Variants in P2RY1 observed in about 807,000 individuals in gnomAD.
P2RY1 encodes P2Y purinoceptor 1.
In P2RY1, 14 loss-of-function variants were observed where a neutral mutation model predicts 22.8. That is an observed-to-expected ratio of 0.61 (90% CI 0.41 to 0.96). P2RY1 has a LOEUF of 0.96. P2RY1 is among the 40% of genes least tolerant of loss of function. P2RY1 has a pLI of 0.00. For missense variants in P2RY1, 395 were observed against 470.3 expected, an observed-to-expected ratio of 0.84 and a Z score of 1.48; for synonymous variants, 200 against 195.1, an observed-to-expected ratio of 1.03 and a Z score of -0.21.
Position 152,836,380 on chromosome 3 carries a change from A to G in P2RY1, c.598A>G (p.Ile200Val). ...TACCGGGGTCCGCAAAAACAAAACC[A>G]TCACCTGTTACGACACCACCTCAGA... is the stretch of plus-strand genomic sequence containing the variant. ...SGTGVRKNKT[I>V]TCYDTTSDEY... is the part of the protein sequence containing the mutation. Residue 200 changes from isoleucine (I) to valine (V), a missense_variant, in exon 1 of 1, where the codon ATC becomes GTC. Coordinates refer to ENST00000305097, the MANE Select transcript of P2RY1 (RefSeq NM_002563.5). The surrounding 1 kb of genome is among the most constrained non-coding windows in gnomAD (Gnocchi z 5.6). 4 of 1,614,038 alleles carry G rather than the reference A, an allele frequency of 2.5e-6. No individual in the cohort carries two copies. Among genetic ancestry groups the G allele is most frequent in the Non-Finnish European group, 3.4e-6 (4 of 1,180,010 alleles).
chr3:152,836,590 G>C lies in P2RY1; in HGVS notation c.808G>C (p.Ala270Pro). ...GGTAATCATTGTACTGACTGTTTTT[G>C]CTGTGTCTTACATCCCTTTCCATGT... Reference protein sequence around the residue: ...YLVIIVLTVFAVSYIPFHVMK... With the variant: ...YLVIIVLTVFPVSYIPFHVMK... The change falls in exon 1 of 1, where the codon GCT becomes CCT. Residue 270 changes from alanine to proline, a missense_variant. Transcript: ENST00000305097. This position sits in a 1 kb window ranked among gnomAD's most constrained non-coding sequence, Gnocchi z 5.6. 1 of 1,614,148 alleles carries C rather than the reference G, an allele frequency of 6.2e-7. No homozygotes were observed. Among genetic ancestry groups the C allele is most frequent in the Non-Finnish European group, 8.5e-7 (1 of 1,180,024 alleles).
Position 152,835,844 on chromosome 3 carries a change from C to T in P2RY1, c.62C>T (p.Pro21Leu), listed in dbSNP as rs746535957. The T allele has an allele frequency of 3.7e-6, 6 of 1,612,838 alleles. 1 individual carries two copies. Among genetic ancestry groups the T allele is most frequent in the South Asian group, 2.2e-5 (2 of 91,042 alleles). Residue 21 changes from proline to leucine, a missense_variant, in exon 1 of 1, where the codon CCG (proline) becomes CTG (leucine). Pro to Leu is a moderately conservative substitution (Grantham distance 98). This residue lies in a region of P2RY1 where 98 missense variants were observed against 87.7 expected (regional missense o/e 1.12). Coordinates refer to ENST00000305097, the MANE Select transcript of P2RY1 (RefSeq NM_002563.5). Reference protein sequence around the residue: ...NGTDAAFLAGPGSSWGNSTVA... With the variant: ...NGTDAAFLAGLGSSWGNSTVA... ...ACGGACGCTGCCTTCCTGGCCGGTC[C>T]GGGTTCGTCCTGGGGGAACAGCACG...
In P2RY1 at chr3:152,836,865, T is replaced by C; in HGVS notation, c.1083T>C (p.Ile361=). 1 of 1,612,446 alleles carries C rather than the reference T, an allele frequency of 6.2e-7. No homozygotes were observed. The highest frequency in any genetic ancestry group is 8.5e-7 in the Non-Finnish European group (1 of 1,179,478). Residue 361 remains isoleucine (I), a synonymous_variant, in exon 1 of 1, where the codon ATT becomes ATC. Transcript: ENST00000305097. This position sits in a 1 kb window ranked among gnomAD's most constrained non-coding sequence, Gnocchi z 5.6. ...QSKSEDMTLN[I]LPEFKQNGDT... ...AGAGTGAAGACATGACCCTCAATAT[T>C]TTACCTGAGTTCAAGCAGAATGGAG...
rs933103875 is a variant in P2RY1 at position 152,836,100 on chromosome 3, C to G, written c.318C>G (p.Ala106=). Residue 106 remains alanine (A), a synonymous_variant, in exon 1 of 1, where the codon GCC becomes GCG. Coordinates refer to ENST00000305097, the MANE Select transcript of P2RY1 (RefSeq NM_002563.5). This position sits in a 1 kb window ranked among gnomAD's most constrained non-coding sequence, Gnocchi z 5.6. ...TCTTGTACGTGCTGACTCTGCCAGC[C>G]CTGATCTTCTACTACTTCAATAAAA... ...ADFLYVLTLP[A]LIFYYFNKTD... 3 of 1,614,110 alleles carry G rather than the reference C, an allele frequency of 1.9e-6. No individual in the cohort carries two copies. Among genetic ancestry groups the G allele is most frequent in the Non-Finnish European group, 2.5e-6 (3 of 1,180,006 alleles).
Position 152,836,109 on chromosome 3 carries a change from C to G in P2RY1, c.327C>G (p.Phe109Leu). 6.2e-7 allele frequency: 1 copy of G among 1,614,146 alleles called. No individual in the cohort carries two copies. Among genetic ancestry groups the G allele is most frequent in the Non-Finnish European group, 8.5e-7 (1 of 1,180,014 alleles). ...LYVLTLPALI[F>L]YYFNKTDWIF... ...TGCTGACTCTGCCAGCCCTGATCTT[C>G]TACTACTTCAATAAAACAGACTGGA... is the stretch of plus-strand genomic sequence containing the variant. Residue 109 changes from phenylalanine to leucine, a missense_variant, in exon 1 of 1, where the codon TTC becomes TTG. Phe to Leu is a conservative substitution (Grantham distance 22). This residue lies in a region of P2RY1 where 291 missense variants were observed against 361.6 expected (regional missense o/e 0.80). Coordinates refer to ENST00000305097, the MANE Select transcript of P2RY1 (RefSeq NM_002563.5). The surrounding 1 kb of genome is among the most constrained non-coding windows in gnomAD (Gnocchi z 5.6).
At position 152,836,373 on chromosome 3, in the gene P2RY1, C is replaced by G. The variant is rs750699440; in HGVS notation, c.591C>G (p.Asn197Lys). Reference sequence around the variant, plus strand: ...ACTCAGGTACCGGGGTCCGCAAAAACAAAACCATCACCTGTTACGACACCA... The same window carrying G: ...ACTCAGGTACCGGGGTCCGCAAAAAGAAAACCATCACCTGTTACGACACCA... ...LFYSGTGVRK[N>K]KTITCYDTTS... The change falls in exon 1 of 1, where the codon AAC (asparagine) becomes AAG (lysine). Residue 197 changes from asparagine (N) to lysine (K), a missense_variant. This residue lies in a region of P2RY1 where 291 missense variants were observed against 361.6 expected (regional missense o/e 0.80). Transcript: ENST00000305097. The surrounding 1 kb of genome is among the most constrained non-coding windows in gnomAD (Gnocchi z 5.6). The G allele has an allele frequency of 1.2e-6, 2 of 1,614,124 alleles. No individual in the cohort carries two copies. The highest frequency in any genetic ancestry group is 3.3e-5 in the Admixed American group (2 of 60,022).
At position 152,837,130 on chromosome 3, in the gene P2RY1, A is replaced by T. The variant is rs1206185793; in HGVS notation, c.*226A>T. The T allele has an allele frequency of 4.0e-6, 2 of 502,470 alleles. No individual in the cohort carries two copies. The highest frequency in any genetic ancestry group is 3.9e-5 in the African/African-American group (2 of 51,330). 31.1% of individuals were successfully genotyped at this position (502,470 alleles called of 1,614,324 possible). A position where few individuals can be genotyped will look rare whatever the true frequency, so the allele number is the denominator to read the frequency against. On this transcript the variant is annotated 3_prime_UTR_variant, in exon 1 of 1. Transcript: ENST00000305097. ...TGACTAGAAGTATGTATAATAAAAC[A>T]ATACTACCTAGTTAAACATTTACTT... is the stretch of plus-strand genomic sequence containing the variant.
chr3:152,838,785 C>G lies in P2RY1; in HGVS notation c.*1881C>G, dbSNP rs1301782010. On this transcript the variant is annotated 3_prime_UTR_variant, in exon 1 of 1. Coordinates refer to ENST00000305097, the MANE Select transcript of P2RY1 (RefSeq NM_002563.5). ...ATGCATAGGATTATAGAAACCAAAT[C>G]AAGAAGAAACCTACTACACCTCCTT... The G allele has an allele frequency of 2.6e-5, 4 of 152,124 alleles. No homozygotes were observed. Among genetic ancestry groups the G allele is most frequent in the Non-Finnish European group, 5.9e-5 (4 of 68,016 alleles). The allele number at this position is 152,124 out of a possible 1,614,324, so 9.4% of individuals were successfully genotyped here. A position where few individuals can be genotyped will look rare whatever the true frequency, so the allele number is the denominator to read the frequency against.
In P2RY1 at chr3:152,836,878, A is replaced by G; in HGVS notation, c.1096A>G (p.Lys366Glu). 6.2e-7 allele frequency: 1 copy of G among 1,611,374 alleles called. No individual in the cohort carries two copies. Among genetic ancestry groups the G allele is most frequent in the Non-Finnish European group, 8.5e-7 (1 of 1,178,782 alleles). The change falls in exon 1 of 1, where the codon AAG (lysine) becomes GAG (glutamate). Residue 366 changes from lysine to glutamate, a missense_variant. By Grantham distance (56) the Lys-to-Glu change is moderately conservative. Coordinates refer to ENST00000305097, the MANE Select transcript of P2RY1 (RefSeq NM_002563.5). The surrounding 1 kb of genome is among the most constrained non-coding windows in gnomAD (Gnocchi z 5.6). ...DMTLNILPEF[K>E]QNGDTSL ...GACCCTCAATATTTTACCTGAGTTC[A>G]AGCAGAATGGAGATACAAGCCTGTG... is the stretch of plus-strand genomic sequence containing the variant.
Position 152,835,831 on chromosome 3 carries a change from T to G in P2RY1, c.49T>G (p.Phe17Val). Residue 17 changes from phenylalanine to valine, a missense_variant, in exon 1 of 1, where the codon TTC becomes GTC. Phe to Val is a conservative substitution (Grantham distance 50). Transcript: ENST00000305097. ...TGTCCCCAACGGGACGGACGCTGCC[T>G]TCCTGGCCGGTCCGGGTTCGTCCTG... ...PAVPNGTDAA[F>V]LAGPGSSWGN... 1 of 1,612,310 alleles carries G rather than the reference T, an allele frequency of 6.2e-7. No homozygotes were observed. Among genetic ancestry groups the G allele is most frequent in the Non-Finnish European group, 8.5e-7 (1 of 1,179,962 alleles).
rs1376963549 is a variant in P2RY1 at position 152,835,888 on chromosome 3, G to A, written c.106G>A (p.Val36Ile). The change falls in exon 1 of 1, where the codon GTC (valine) becomes ATC (isoleucine). Residue 36 changes from valine (V) to isoleucine (I), a missense_variant. Transcript: ENST00000305097. Reference sequence around the variant, plus strand: ...CAGCACGGTCGCCTCCACTGCCGCCGTCTCCTCGTCGTTCAAATGCGCCTT... The same window carrying A: ...CAGCACGGTCGCCTCCACTGCCGCCATCTCCTCGTCGTTCAAATGCGCCTT... ...GNSTVASTAA[V>I]SSSFKCALTK... is the part of the protein sequence containing the mutation. The A allele has an allele frequency of 3.1e-6, 5 of 1,613,888 alleles. No individual in the cohort carries two copies. The highest frequency in any genetic ancestry group is 1.3e-5 in the African/African-American group (1 of 74,918).
Position 152,836,966 on chromosome 3 carries a change from G to A in P2RY1, c.*62G>A, listed in dbSNP as rs963076828. On this transcript the variant is annotated 3_prime_UTR_variant, in exon 1 of 1. Coordinates refer to ENST00000305097, the MANE Select transcript of P2RY1 (RefSeq NM_002563.5). This position sits in a 1 kb window ranked among gnomAD's most constrained non-coding sequence, Gnocchi z 5.6. ...ATGGTAGGATGCTTAACAGAATCAA[G>A]TACTTTTCCCCTCTTTAACTTTCTA... is the stretch of plus-strand genomic sequence containing the variant. 24 of 1,314,374 alleles carry A rather than the reference G, an allele frequency of 1.8e-5. 1 individual carries two copies. The African/African-American group carries it at 3.2e-4, about 18-fold the overall frequency. 81.4% of individuals were successfully genotyped at this position (1,314,374 alleles called of 1,614,324 possible).
rs1716273961 is a variant in P2RY1 at position 152,840,621 on chromosome 3, G to A, written c.*3717G>A. 6.6e-6 allele frequency: 1 copy of A among 152,150 alleles called. No homozygotes were observed. The highest frequency in any genetic ancestry group is 1.5e-5 in the Non-Finnish European group (1 of 68,020). 9.4% of individuals were successfully genotyped at this position (152,150 alleles called of 1,614,324 possible). ...TTATATAAACAACGTTACAATGTAA[G>A]GAAAATCTTTAAGGAGATGGGGAGA... On this transcript the variant is annotated 3_prime_UTR_variant, in exon 1 of 1. Coordinates refer to ENST00000305097, the MANE Select transcript of P2RY1 (RefSeq NM_002563.5).
chr3:152,836,260 C>T lies in P2RY1; in HGVS notation c.478C>T (p.Leu160=). ...YSGVVYPLKS[L]GRLKKKNAIC... is the part of the protein sequence containing the mutation. ...CGGTGTGGTGTACCCCCTCAAGTCC[C>T]TGGGCCGGCTCAAAAAGAAGAATGC... The change falls in exon 1 of 1, where the codon CTG becomes TTG. Residue 160 remains leucine (L), a synonymous_variant. Coordinates refer to ENST00000305097, the MANE Select transcript of P2RY1 (RefSeq NM_002563.5). The surrounding 1 kb of genome is among the most constrained non-coding windows in gnomAD (Gnocchi z 5.6). The T allele has an allele frequency of 6.2e-7, 1 of 1,614,122 alleles. No individual in the cohort carries two copies. The highest frequency in any genetic ancestry group is 8.5e-7 in the Non-Finnish European group (1 of 1,180,022).
In P2RY1 at chr3:152,835,520, C is replaced by G. The variant is rs970572586; in HGVS notation, c.-263C>G. 4.1e-6 allele frequency: 2 copies of G among 490,662 alleles called. No homozygotes were observed. The highest frequency in any genetic ancestry group is 7.0e-5 in the East Asian group (2 of 28,488). The allele number at this position is 490,662 out of a possible 1,614,324, so 30.4% of individuals were successfully genotyped here. A position where few individuals can be genotyped will look rare whatever the true frequency, so the allele number is the denominator to read the frequency against. On this transcript the variant is annotated 5_prime_UTR_variant, in exon 1 of 1. Coordinates refer to ENST00000305097, the MANE Select transcript of P2RY1 (RefSeq NM_002563.5). ...CCCTGCGCGCCCTGTTGTGTAAGCT[C>G]GGCGTTGCCAGCGGACGGAGAAGTT...
Position 152,835,352 on chromosome 3 carries a change from C to T in P2RY1, c.-431C>T. 5.7e-6 allele frequency: 1 copy of T among 174,486 alleles called. No individual in the cohort carries two copies. The highest frequency in any genetic ancestry group is 1.2e-5 in the Non-Finnish European group (1 of 84,196). The allele number at this position is 174,486 out of a possible 1,614,324, so 10.8% of individuals were successfully genotyped here. A position where few individuals can be genotyped will look rare whatever the true frequency, so the allele number is the denominator to read the frequency against. ...GCCCCCAATTAAGTTGATCTTTGAG[C>T]CAAGGAGGCTGGGGAGCAGCCTCCC... is the stretch of plus-strand genomic sequence containing the variant. On this transcript the variant is annotated 5_prime_UTR_variant, in exon 1 of 1. Coordinates refer to ENST00000305097, the MANE Select transcript of P2RY1 (RefSeq NM_002563.5).
Position 152,836,474 on chromosome 3 carries a change from T to TAACA in P2RY1, c.692_693insAACA (p.Leu232ThrfsTer59). ...GTGGCCATGTTCTGTGTCCCCTTGG[T>TAACA]GCTGATTCTGGGCTGTTACGGATTA... On this transcript the variant is annotated frameshift_variant, in exon 1 of 1. Transcript: ENST00000305097. LOFTEE classifies it high-confidence loss of function. This position sits in a 1 kb window ranked among gnomAD's most constrained non-coding sequence, Gnocchi z 5.6. 6.2e-7 allele frequency: 1 copy of TAACA among 1,614,208 alleles called. No homozygotes were observed. The highest frequency in any genetic ancestry group is 8.5e-7 in the Non-Finnish European group (1 of 1,180,038).
Position 152,837,055 on chromosome 3 carries a change from A to T in P2RY1, c.*151A>T, listed in dbSNP as rs559375082. 4.1e-5 allele frequency: 26 copies of T among 638,096 alleles called. No individual in the cohort carries two copies. The East Asian group carries it at 6.6e-4, about 16-fold the overall frequency. The allele number at this position is 638,096 out of a possible 1,614,324, so 39.5% of individuals were successfully genotyped here. The stretch of plus-strand genomic sequence containing the variant: ...AAAAATAATAGAAGTAGAAATGCCC[A>T]CATCCACACTTAGCTTGTTTGGGTT... On this transcript the variant is annotated 3_prime_UTR_variant, in exon 1 of 1. Transcript: ENST00000305097.
chr3:152,837,059 C>T lies in P2RY1; in HGVS notation c.*155C>T. On this transcript the variant is annotated 3_prime_UTR_variant, in exon 1 of 1. Transcript: ENST00000305097. ...ATAATAGAAGTAGAAATGCCCACAT[C>T]CACACTTAGCTTGTTTGGGTTTGCT... The T allele has an allele frequency of 1.6e-6, 1 of 632,518 alleles. No homozygotes were observed. Among genetic ancestry groups the T allele is most frequent in the East Asian group, 2.8e-5 (1 of 36,034 alleles). 39.2% of individuals were successfully genotyped at this position (632,518 alleles called of 1,614,324 possible).
Sources: allele counts gnomAD v4.1 joint callset, GRCh38; gene constraint gnomAD v4.1.1; regional missense constraint gnomAD v4.1.1; non-coding constraint Gnocchi (gnomAD v3.1); transcripts MANE v1.5; gene names NCBI Gene and HGNC (gene_info 2026-07-23, HGNC 2026-07-21).